ZNF277: variants seen among roughly 807,000 people sequenced by gnomAD.
ZNF277 encodes the protein nuclear receptor-interacting factor 4.
ZNF277 carries 55 observed loss-of-function variants against 60.7 expected under a neutral mutation model. That is an observed-to-expected ratio of 0.91 (90% CI 0.73 to 1.13). The LOEUF (loss-of-function observed/expected upper bound fraction) is 1.13. ZNF277 is among the 50% of genes most tolerant of loss of function. ZNF277 has a pLI of 0.00. For missense variants in ZNF277, 510 were observed against 523.0 expected (o/e 0.98, Z 0.24); for synonymous variants, 178 against 179.3 (o/e 0.99, Z 0.06).
intron 4 of ZNF277, among the ~76,000 whole-genome samples, chr7:112,296,925 T>TTTA (rs1563219777): frequency 1.2e-5 from 1 of 80,970 alleles, no homozygotes; most frequent in African/African-American, 4.0e-5. Flanking sequence ...TTTTTTTTTT[T>TTTA]TTTTTTTTTT....
At chr7:112,259,556 A>G (rs1302054553) in intron 1 of ZNF277, among the ~76,000 whole-genome samples, 1 of 152,214 alleles carries the variant, frequency 6.6e-6, no homozygotes, top group Non-Finnish European at 1.5e-5. Flanking sequence ...GCTTAATTTC[A>G]GAGACACGTC....
intron 1 of ZNF277, among the ~76,000 whole-genome samples, chr7:112,221,426 A>G (rs1280605823): frequency 2.0e-5 from 3 of 152,126 alleles, no homozygotes; most frequent in Non-Finnish European, 4.4e-5. Context: ...ATTATCATAT[A>G]TGGCAGTGGT....
intron 1 of ZNF277, among the ~76,000 whole-genome samples, chr7:112,230,281 C>T (rs956166213): frequency 2.0e-5 from 3 of 152,110 alleles, no homozygotes; most frequent in South Asian, 2.1e-4. Context: ...AGCCTGTGGC[C>T]GTACTAATGT....
At chr7:112,318,658 T>C (rs1465918970) in intron 5 of ZNF277, among the ~76,000 whole-genome samples, 3 of 152,078 alleles carry the variant, frequency 2.0e-5, no homozygotes. Flanking sequence ...GGGGCACTGG[T>C]GATTCTATCA....
chr7:112,243,270 G>T (rs1478441026), intron 1 of ZNF277, among the ~76,000 whole-genome samples: 1 of 151,840 alleles, frequency 6.6e-6, no homozygotes, highest in Non-Finnish European at 1.5e-5. Context: ...ATTGGTCTAG[G>T]CAAAGAATTC....
At chr7:112,274,364 C>T (rs1339974235) in intron 1 of ZNF277, among the ~76,000 whole-genome samples, 1 of 151,932 alleles carries the variant, frequency 6.6e-6, no homozygotes, top group African/African-American at 2.4e-5. Flanking sequence ...GCCATGTTAC[C>T]CAAGCCAGTT....
chr7:112,284,451 T>G (rs907655610), intron 1 of ZNF277, among the ~76,000 whole-genome samples: 2 of 152,224 alleles, frequency 1.3e-5, no homozygotes, highest in African/African-American at 2.4e-5. Flanking sequence ...ATAAGTATAT[T>G]ACTTATCTCT....
At position 112,296,320 on chromosome 7, in the gene ZNF277, T is replaced by C; in HGVS notation, c.465+9T>C. ...TTCAGAAACAGAGACTGGTAAGAAT[T>C]GTTTTTAAAGGGTGAATAGTGTCTT... On this transcript the variant is annotated intron_variant, in intron 4 of 11. Coordinates refer to ENST00000361822, the MANE Select transcript of ZNF277 (RefSeq NM_021994.3). The C allele has an allele frequency of 4.0e-6, 6 of 1,508,582 alleles. No individual in the cohort carries two copies. Among genetic ancestry groups the C allele is most frequent in the Non-Finnish European group, 5.4e-6 (6 of 1,102,348 alleles). The allele number at this position is 1,508,582 out of a possible 1,614,324, so 93.4% of individuals were successfully genotyped here. A position where few individuals can be genotyped will look rare whatever the true frequency, so the allele number is the denominator to read the frequency against.
At chr7:112,336,727 T>C (rs1793341341) in intron 8 of ZNF277, among the ~76,000 whole-genome samples, 1 of 152,190 alleles carries the variant, frequency 6.6e-6, no homozygotes, top group Non-Finnish European at 1.5e-5. Flanking sequence ...ATTTTAATAG[T>C]GAGGTAAAGC....
intron 4 of ZNF277, among the ~76,000 whole-genome samples, chr7:112,297,319 A>G (rs1444962505): frequency 6.6e-6 from 1 of 152,146 alleles, no homozygotes; most frequent in Non-Finnish European, 1.5e-5. Context: ...TTTGTGATTT[A>G]ATCTCGACTA....
chr7:112,232,844 A>G (rs1822377031), intron 1 of ZNF277, among the ~76,000 whole-genome samples: 1 of 152,142 alleles, frequency 6.6e-6, no homozygotes, highest in Admixed American at 6.5e-5. Flanking sequence ...AGGTTTTCTG[A>G]ATGATCTACT....
At chr7:112,341,204 A>G in intron 11 of ZNF277, 158 bp downstream of exon 11, 1 of 577,946 alleles carries the variant, frequency 1.7e-6, no homozygotes, top group East Asian at 3.6e-5. Context: ...AATATTCAAA[A>G]TGCTTATTTT....
intron 1 of ZNF277, among the ~76,000 whole-genome samples, chr7:112,207,585 T>C (rs987876160): frequency 6.6e-6 from 1 of 152,164 alleles, no homozygotes; most frequent in Non-Finnish European, 1.5e-5. Flanking sequence ...AAAACCAAAT[T>C]TTGAAAGCTG....
intron 1 of ZNF277, among the ~76,000 whole-genome samples, chr7:112,251,360 A>G (rs1238229648): frequency 6.6e-6 from 1 of 152,190 alleles, no homozygotes; most frequent in Non-Finnish European, 1.5e-5. Flanking sequence ...GCTCGTACAG[A>G]TTTTATATAA....
intron 1 of ZNF277, among the ~76,000 whole-genome samples, chr7:112,211,297 T>C (rs774316428): frequency 3.3e-5 from 5 of 152,252 alleles, no homozygotes; most frequent in Non-Finnish European, 5.9e-5. Flanking sequence ...CCTCAGGTAC[T>C]GAATTTGATC....
intron 4 of ZNF277, among the ~76,000 whole-genome samples, chr7:112,309,331 T>G (rs1397111816): frequency 6.6e-6 from 1 of 151,958 alleles, no homozygotes; most frequent in East Asian, 1.9e-4. Flanking sequence ...CAACGAATAC[T>G]TACAAAAACT....
At chr7:112,250,240 A>T (rs1009215602) in intron 1 of ZNF277, among the ~76,000 whole-genome samples, 33 of 152,226 alleles carry the variant, frequency 2.2e-4, no homozygotes, top group African/African-American at 7.0e-4. Flanking sequence ...CAGGCTTATT[A>T]GGAAGAGGAA....
intron 4 of ZNF277, among the ~76,000 whole-genome samples, chr7:112,309,356 T>C (rs1792670946): frequency 6.6e-6 from 1 of 151,960 alleles, no homozygotes; most frequent in Non-Finnish European, 1.5e-5. Context: ...TCAGGGAAGA[T>C]TGTTTGAGGA....
chr7:112,256,607 G>A (rs901464192), intron 1 of ZNF277, among the ~76,000 whole-genome samples: 1 of 151,752 alleles, frequency 6.6e-6, no homozygotes, highest in African/African-American at 2.4e-5. Context: ...CACCATGCTT[G>A]GCTAATGTTT....
Sources: allele counts gnomAD v4.1 joint callset (sites outside exome capture counted in the v4.1 genomes callset), GRCh38; gene constraint gnomAD v4.1.1; transcripts MANE v1.5; gene names NCBI Gene and HGNC (gene_info 2026-07-23, HGNC 2026-07-21).